WFDC10B: variants seen among roughly 807,000 people sequenced by gnomAD.
WFDC10B encodes the protein protein WFDC10B.
WFDC10B carries 1 observed loss-of-function variant against 2.7 expected under a neutral mutation model. The observed-to-expected ratio is 0.38, with a 90% CI of 0.13 to 1.79. The LOEUF (loss-of-function observed/expected upper bound fraction) is 1.79. WFDC10B is among the 40% of genes most tolerant of loss of function. The pLI, the probability that WFDC10B is intolerant of heterozygous loss-of-function variation, is 0.33. For synonymous variants in WFDC10B, 26 were observed against 32.2 expected (o/e 0.81, Z 0.65); for missense variants, 71 against 87.8 (o/e 0.81, Z 0.76).
intron 2 of WFDC10B, among the ~76,000 whole-genome samples, chr20:45,695,024 T>C (rs1983936356): frequency 6.6e-6 from 1 of 152,250 alleles, no homozygotes; most frequent in African/African-American, 2.4e-5. Flanking sequence ...TTACTTCATC[T>C]GGCTATTCAT....
intron 2 of WFDC10B, among the ~76,000 whole-genome samples, chr20:45,691,181 T>A (rs902411469): frequency 1.3e-5 from 2 of 152,242 alleles, no homozygotes; most frequent in Non-Finnish European, 2.9e-5. Flanking sequence ...TCTAGTTTGA[T>A]TGCACTGTGA....
At chr20:45,685,000 C>A in intron 3 of WFDC10B, 40 bp from the exon 4 acceptor site, 2 of 1,611,108 alleles carry the variant, frequency 1.2e-6, no homozygotes, top group Non-Finnish European at 1.7e-6. Flanking sequence ...AACCATGCAC[C>A]TATAGAGCAG....
Position 45,684,686 on chromosome 20 carries a change from C to T in WFDC10B, c.*144G>A. 4 of 1,107,232 alleles carry T rather than the reference C, an allele frequency of 3.6e-6. No homozygotes were observed. The highest frequency in any genetic ancestry group is 5.2e-6 in the Non-Finnish European group (4 of 771,986). The allele number at this position is 1,107,232 out of a possible 1,614,324, so 68.6% of individuals were successfully genotyped here. ...TTTGTTCTGGTTTATTTGACAGGGA[C>T]AGGGAGTTCAGACACTGGGGAGGGT... On this transcript the variant is annotated 3_prime_UTR_variant, in exon 4 of 4. Transcript: ENST00000330523.
intron 2 of WFDC10B, among the ~76,000 whole-genome samples, chr20:45,702,899 C>T (rs1984224849): frequency 6.6e-6 from 1 of 152,168 alleles, no homozygotes; most frequent in African/African-American, 2.4e-5. Context: ...AAAACATCTT[C>T]AGAATACTGG....
intron 2 of WFDC10B, among the ~76,000 whole-genome samples, chr20:45,687,326 T>C (rs1053130552): frequency 1.3e-5 from 2 of 152,190 alleles, no homozygotes; most frequent in African/African-American, 4.8e-5. Context: ...ATCCATGTCC[T>C]TGCAAAGAAC....
rs2072974 is a variant in WFDC10B, at chr20:45,684,762, G to A, written c.*68C>T. 258,022 of 1,574,258 alleles carry A rather than the reference G, an allele frequency of 0.16. 23,127 individuals are homozygous for A. The highest frequency in any genetic ancestry group is 0.33 in the East Asian group (14,339 of 43,890). ...TGATGATTTGATGTCCTTGTGCTTC[G>A]GATGTGGGCACAGTCTCGGATGGAA... is the stretch of plus-strand genomic sequence containing the variant. On this transcript the variant is annotated 3_prime_UTR_variant, in exon 4 of 4. Transcript: ENST00000330523.
rs757736643 is a variant in WFDC10B, at chr20:45,684,910, A to G, written c.142T>C (p.Cys48Arg). Residue 48 changes from cysteine (C) to arginine (R), a missense_variant, in exon 4 of 4, where the codon TGT becomes CGT. Transcript: ENST00000330523. ...RPSIDLCIHH[C>R]SYFQKCETNK... ...GTTTCACACTTTTGGAAATATGAACAGTGGTGGATGCATAGATCTATGCTG... is the reference window on the plus strand; with the variant it reads ...GTTTCACACTTTTGGAAATATGAACGGTGGTGGATGCATAGATCTATGCTG... 2.2e-5 allele frequency: 36 copies of G among 1,613,992 alleles called. No individual in the cohort carries two copies. Among genetic ancestry groups the G allele is most frequent in the Non-Finnish European group, 2.8e-5 (33 of 1,179,992 alleles).
chr20:45,697,379 A>ATTTTTTTTTTT (rs869059383), intron 2 of WFDC10B, among the ~76,000 whole-genome samples: 1 of 114,010 alleles, frequency 8.8e-6, no homozygotes, highest in Non-Finnish European at 1.7e-5. Context: ...ACATCCCATC[A>ATTTTTTTTTTT]TTTTTTTTTT....
At chr20:45,700,097 T>G (rs1984105237) in intron 2 of WFDC10B, among the ~76,000 whole-genome samples, 1 of 152,210 alleles carries the variant, frequency 6.6e-6, no homozygotes, top group Admixed American at 6.5e-5. Flanking sequence ...AGCAAAATCT[T>G]GGAAACTACC....
At chr20:45,699,910 A>G (rs756673853) in intron 2 of WFDC10B, among the ~76,000 whole-genome samples, 1 of 152,110 alleles carries the variant, frequency 6.6e-6, no homozygotes, top group Non-Finnish European at 1.5e-5. Flanking sequence ...AACTCCTGAC[A>G]TCATGATCTG....
chr20:45,698,015 A>G (rs1017726497), intron 2 of WFDC10B, among the ~76,000 whole-genome samples: 4 of 152,092 alleles, frequency 2.6e-5, no homozygotes, highest in Admixed American at 1.3e-4. Context: ...AAGTGCTGGG[A>G]TTATAGGTGT....
Position 45,684,678 on chromosome 20 carries a change from G to C in WFDC10B, c.*152C>G. 9.7e-7 allele frequency: 1 copy of C among 1,028,414 alleles called. No homozygotes were observed. The highest frequency in any genetic ancestry group is 1.4e-6 in the Non-Finnish European group (1 of 712,678). The allele number at this position is 1,028,414 out of a possible 1,614,324, so 63.7% of individuals were successfully genotyped here. A position where few individuals can be genotyped will look rare whatever the true frequency, so the allele number is the denominator to read the frequency against. On this transcript the variant is annotated 3_prime_UTR_variant, in exon 4 of 4. Coordinates refer to ENST00000330523, the MANE Select transcript of WFDC10B (RefSeq NM_172006.2). The stretch of plus-strand genomic sequence containing the variant: ...CATGGGCATTTGTTCTGGTTTATTT[G>C]ACAGGGACAGGGAGTTCAGACACTG...
At chr20:45,689,857 G>C (rs976744200) in intron 2 of WFDC10B, among the ~76,000 whole-genome samples, 20 of 152,122 alleles carry the variant, frequency 1.3e-4, no homozygotes, top group Admixed American at 1.2e-3. Flanking sequence ...TAATTGCCCA[G>C]GCCAGAACTT....
chr20:45,688,695 T>C (rs1453782864), intron 2 of WFDC10B, among the ~76,000 whole-genome samples: 2 of 152,054 alleles, frequency 1.3e-5, no homozygotes, highest in Non-Finnish European at 2.9e-5. Flanking sequence ...GGTTGTTTGT[T>C]TTTTCCTTGT....
At chr20:45,693,216 G>A (rs1422232827) in intron 2 of WFDC10B, among the ~76,000 whole-genome samples, 4 of 152,190 alleles carry the variant, frequency 2.6e-5, no homozygotes, top group African/African-American at 9.7e-5. Flanking sequence ...ACCCAGCTGT[G>A]TGAGGTGTCA....
At chr20:45,695,253 C>T (rs1233374389) in intron 2 of WFDC10B, among the ~76,000 whole-genome samples, 1 of 152,144 alleles carries the variant, frequency 6.6e-6, no homozygotes, top group African/African-American at 2.4e-5. Flanking sequence ...TCTGCACTAA[C>T]TTCAAGTAGT....
At chr20:45,687,808 G>A (rs1024275897) in intron 2 of WFDC10B, among the ~76,000 whole-genome samples, 3 of 151,706 alleles carry the variant, frequency 2.0e-5, no homozygotes, top group Non-Finnish European at 2.9e-5. Flanking sequence ...CTCTTGAGAA[G>A]TGTCTGTTCA....
intron 2 of WFDC10B, among the ~76,000 whole-genome samples, chr20:45,689,607 T>C (rs981100368): frequency 6.6e-6 from 1 of 152,198 alleles, no homozygotes; most frequent in African/African-American, 2.4e-5. Flanking sequence ...GAAGCAAATG[T>C]GAATGGGAGT....
chr20:45,687,818 A>G (rs748340407), intron 2 of WFDC10B, among the ~76,000 whole-genome samples: 2 of 151,016 alleles, frequency 1.3e-5, no homozygotes, highest in Non-Finnish European at 1.5e-5. Flanking sequence ...GTGTCTGTTC[A>G]TGTCCTTTGC....
Sources: allele counts gnomAD v4.1 joint callset (sites outside exome capture counted in the v4.1 genomes callset), GRCh38; gene constraint gnomAD v4.1.1; transcripts MANE v1.5; gene names NCBI Gene and HGNC (gene_info 2026-07-23, HGNC 2026-07-21).